The following TASL variants were observed in gnomAD, a reference collection of about 807,000 sequenced individuals.
TASL encodes TLR adaptor interacting with endolysosomal SLC15A4, also known as TLR adapter interacting with SLC15A4 on the lysosome.
A neutral mutation model predicts 12.9 loss-of-function variants in TASL; 6 were observed. That is an observed-to-expected ratio of 0.46 (90% CI 0.25 to 0.92). The LOEUF is 0.92. Ranked by LOEUF, TASL falls within the 40% of genes least tolerant of loss-of-function variation. The probability of loss-of-function intolerance (pLI) is 0.17; values close to 1 mark genes in which losing one functional copy is unlikely to be tolerated. For missense variants in TASL, 165 were observed against 212.8 expected (o/e 0.78, Z 1.40); for synonymous variants, 85 against 79.3 (o/e 1.07, Z -0.38).
rs1930399217 is a variant in TASL, at chrX:30,560,253, TCTC to T, written c.100_102del (p.Glu34del). The T allele has an allele frequency of 8.3e-7, 1 of 1,210,363 alleles. No individual in the cohort carries two copies. Among genetic ancestry groups the T allele is most frequent in the Non-Finnish European group, 1.1e-6 (1 of 894,376 alleles). On this transcript the variant is annotated inframe_deletion, in exon 3 of 3. Transcript: ENST00000378962. ...TAGGAAAGGGTAGCAACAGAATTTG[TCTC>T]CTCTTCCTTTTCCCCAGCCACCTGC...
At chrX:30,577,607 G>A (rs1366721324) in intron 1 of TASL, 31 bp downstream of exon 1, 3 of 111,788 alleles carry the variant, frequency 2.7e-5, no homozygotes, top group Non-Finnish European at 5.6e-5. Flanking sequence ...TAATAGCGGA[G>A]TTCTAGGGTC....
chrX:30,566,606 T>A (rs1930501738), intron 2 of TASL, among the ~76,000 whole-genome samples: 1 of 112,543 alleles, frequency 8.9e-6, no homozygotes, highest in South Asian at 3.7e-4. Flanking sequence ...TTGAGACTTT[T>A]TTTTGTTTCA....
At chrX:30,564,688 G>C (rs2147083848) in intron 2 of TASL, among the ~76,000 whole-genome samples, 1 of 111,891 alleles carries the variant, frequency 8.9e-6, no homozygotes, top group Non-Finnish European at 1.9e-5. Flanking sequence ...TAGGTTACAA[G>C]TCTCAAATAG....
At position 30,560,189 on chromosome X, in the gene TASL, A is replaced by G; in HGVS notation, c.167T>C (p.Val56Ala). The G allele has an allele frequency of 8.3e-7, 1 of 1,211,327 alleles. No homozygotes were observed. The highest frequency in any genetic ancestry group is 1.1e-6 in the Non-Finnish European group (1 of 895,309). Residue 56 changes from valine to alanine, a missense_variant, in exon 3 of 3, where the codon GTG (valine) becomes GCG (alanine). Val to Ala is a moderately conservative substitution (Grantham distance 64). Coordinates refer to ENST00000378962, the MANE Select transcript of TASL (RefSeq NM_025159.3). ...VDETQVRSLY[V>A]SCKSSGKFIS... is the part of the protein sequence containing the mutation. ...AAACTTGCCAGATGATTTGCAGCTC[A>G]CGTAGAGACTTCTGACTTGTGTTTC...
chrX:30,570,119 T>G (rs769817502), intron 2 of TASL, among the ~76,000 whole-genome samples: 38 of 111,007 alleles, frequency 3.4e-4, no homozygotes, highest in African/African-American at 1.1e-3. Flanking sequence ...GTATGTTACC[T>G]AGAACATCTC....
intron 2 of TASL, among the ~76,000 whole-genome samples, chrX:30,571,258 G>GAGAAAGAAAGAAAGAAAGAAAGAAAAAC (rs1569306040): frequency 8.4e-5 from 1 of 11,888 alleles, no homozygotes; most frequent in African/African-American, 2.9e-4. Flanking sequence ...GAAAGAAAGA[G>GAGAAAGAAAGAAAGAAAGAAAGAAAAAC]AAAGAAAGAA....
chrX:30,571,238 AGGAAAAAGAGAAAGAAAG>A (rs1930591591), intron 2 of TASL, among the ~76,000 whole-genome samples: 1 of 85,120 alleles, frequency 1.2e-5, no homozygotes, highest in African/African-American at 4.5e-5. Flanking sequence ...GAAGGAAGGA[AGGAAAAAGAGAAAGAAAG>A]AGAAAGAAAG....
intron 2 of TASL, among the ~76,000 whole-genome samples, chrX:30,567,399 C>T (rs1352494255): frequency 9.0e-6 from 1 of 111,635 alleles, no homozygotes; most frequent in Non-Finnish European, 1.9e-5. Context: ...TAATATAGCA[C>T]ATGATAATAT....
At position 30,560,240 on chromosome X, in the gene TASL, G is replaced by A; in HGVS notation, c.116C>T (p.Ala39Val). The change falls in exon 3 of 3, where the codon GCT (alanine) becomes GTT (valine). Residue 39 changes from alanine to valine, a missense_variant. Coordinates refer to ENST00000378962, the MANE Select transcript of TASL (RefSeq NM_025159.3). ...ATCCACAGAGGAATAGGAAAGGGTAGCAACAGAATTTGTCTCCTCTTCCTT... is the reference window on the plus strand; with the variant it reads ...ATCCACAGAGGAATAGGAAAGGGTAACAACAGAATTTGTCTCCTCTTCCTT... The part of the protein sequence containing the change: ...GEKEEETNSV[A>V]TLSYSSVDET... 2.5e-6 allele frequency: 3 copies of A among 1,210,710 alleles called. No individual in the cohort carries two copies. Among genetic ancestry groups the A allele is most frequent in the Non-Finnish European group, 3.4e-6 (3 of 894,685 alleles).
rs72184120 is a variant in TASL at position 30,562,897 on chromosome X, T to TACACAC, written c.-1-2547_-1-2542dup. Among the ~76,000 whole-genome samples the TACACAC allele has an allele frequency of 3.4e-3, 291 of 85,131 alleles. 1 individual carries two copies. The highest frequency in any genetic ancestry group is 0.011 in the African/African-American group (260 of 23,000). 73.9% of individuals were successfully genotyped at this position (85,131 alleles called of 115,157 possible). ...ATAAATGGTTTTTAAAAAGGTATAA[T>TACACAC]ACACACACACACACACACACACACA... On this transcript the variant is annotated intron_variant, in intron 2 of 2. Coordinates refer to ENST00000378962, the MANE Select transcript of TASL (RefSeq NM_025159.3).
At chrX:30,574,076 C>T (rs1930671641) in intron 2 of TASL, among the ~76,000 whole-genome samples, 1 of 110,988 alleles carries the variant, frequency 9.0e-6, no homozygotes, top group African/African-American at 3.3e-5. Flanking sequence ...CTGCCTGTTC[C>T]CCACAGGACC....
chrX:30,569,382 A>G (rs1000196401), intron 2 of TASL, among the ~76,000 whole-genome samples: 1 of 111,505 alleles, frequency 9.0e-6, no homozygotes, highest in Non-Finnish European at 1.9e-5. Flanking sequence ...ATCATTGACC[A>G]AAATGGGAAG....
At chrX:30,571,288 AAGAAAGAAAGAAAG>A (rs1444029654) in intron 2 of TASL, among the ~76,000 whole-genome samples, 82 of 54,783 alleles carry the variant, frequency 1.5e-3, no homozygotes, top group African/African-American at 4.8e-3. Context: ...GAAAGAAAGA[AAGAAAGAAAGAAAG>A]AAAGAAAGAA....
chrX:30,563,690 TAA>T (rs902608286), intron 2 of TASL, among the ~76,000 whole-genome samples: 1 of 111,622 alleles, frequency 9.0e-6, no homozygotes, highest in African/African-American at 3.3e-5. Flanking sequence ...CAGTTGAGGG[TAA>T]AGTTACTGAA....
rs988273037 is a variant in TASL at position 30,558,889 on chromosome X, C to A, written c.*561G>T. ...ATGGAGCGACCTCGGCTCACTGCAA[C>A]CTCTGCCTCTCAGGTTCAAGAGATT... On this transcript the variant is annotated 3_prime_UTR_variant, in exon 3 of 3. Coordinates refer to ENST00000378962, the MANE Select transcript of TASL (RefSeq NM_025159.3). 16 of 109,701 alleles carry A rather than the reference C, an allele frequency of 1.5e-4. No individual in the cohort carries two copies. The highest frequency in any genetic ancestry group is 5.3e-4 in the African/African-American group (16 of 30,021). The allele number at this position is 109,701 out of a possible 1,213,427, so 9.0% of individuals were successfully genotyped here.
intron 2 of TASL, among the ~76,000 whole-genome samples, chrX:30,560,830 G>T (rs1930409782): frequency 9.1e-6 from 1 of 110,323 alleles, no homozygotes; most frequent in Non-Finnish European, 1.9e-5. Flanking sequence ...ATACAAAGAA[G>T]CTGAGCACAA....
In TASL at chrX:30,559,692, A is replaced by G; in HGVS notation, c.664T>C (p.Tyr222His). Reference protein sequence around the residue: ...EYLEQKVVELYKQYIMDTVFH... With the variant: ...EYLEQKVVELHKQYIMDTVFH... ...ACGGTGTCCATAATGTACTGTTTAT[A>G]TAACTCCACAACCTTCTGCTCCAGG... The change falls in exon 3 of 3, where the codon TAT (tyrosine) becomes CAT (histidine). Residue 222 changes from tyrosine to histidine, a missense_variant. Tyr to His is a moderately conservative substitution (Grantham distance 83). Coordinates refer to ENST00000378962, the MANE Select transcript of TASL (RefSeq NM_025159.3). 8.3e-7 allele frequency: 1 copy of G among 1,209,975 alleles called. No individual in the cohort carries two copies. The highest frequency in any genetic ancestry group is 1.1e-6 in the Non-Finnish European group (1 of 893,921).
intron 2 of TASL, among the ~76,000 whole-genome samples, chrX:30,570,147 A>G (rs1306349444): frequency 9.0e-6 from 1 of 110,815 alleles, no homozygotes; most frequent in Admixed American, 9.7e-5. Context: ...AACGTCTTCC[A>G]GTGTCTTTTC....
Position 30,559,585 on chromosome X carries a change from A to G in TASL, c.771T>C (p.Ser257=). Residue 257 remains serine, a synonymous_variant, in exon 3 of 3, where the codon TCT becomes TCC. Coordinates refer to ENST00000378962, the MANE Select transcript of TASL (RefSeq NM_025159.3). Reference sequence around the variant, plus strand: ...TTGAGGTCTCCAGATTCTTCTCTCTAGACACTTGAAGACTGATTTGGTCTA... The same window carrying G: ...TTGAGGTCTCCAGATTCTTCTCTCTGGACACTTGAAGACTGATTTGGTCTA... ...TSVDQISLQV[S]REKNLETSKA... The G allele has an allele frequency of 2.5e-6, 3 of 1,210,408 alleles. No homozygotes were observed. The highest frequency in any genetic ancestry group is 3.5e-5 in the South Asian group (2 of 56,831).
Sources: allele counts gnomAD v4.1 joint callset (sites outside exome capture counted in the v4.1 genomes callset), GRCh38; gene constraint gnomAD v4.1.1; transcripts MANE v1.5; gene names NCBI Gene and HGNC (gene_info 2026-07-23, HGNC 2026-07-21).